RPS9: variants seen among roughly 807,000 people sequenced by gnomAD.
The protein encoded by RPS9 is small ribosomal subunit protein uS4.
Under a neutral mutation model 16.9 loss-of-function variants are expected in RPS9, and 1 was observed. The observed-to-expected ratio is 0.06, with a 90% confidence interval of 0.02 to 0.28. RPS9 has a LOEUF of 0.28. Among genes scored for constraint, RPS9 ranks in the 10% least tolerant of loss-of-function variants. The pLI is 1.00. For synonymous variants in RPS9, 106 were observed against 110.9 expected, an observed-to-expected ratio of 0.96 and a Z score of 0.28; for missense variants, 137 against 273.2, an observed-to-expected ratio of 0.50 and a Z score of 3.51.
At chr19:54,207,039 A>G (rs766041192) in intron 4 of RPS9, 19 of 439,114 alleles carry the variant, frequency 4.3e-5, no homozygotes, top group Admixed American at 1.2e-4. Context: ...TATTGTGGGC[A>G]TTGCTGCTGC....
intron 3 of RPS9, among the ~76,000 whole-genome samples, chr19:54,205,525 TTATG>T (rs2077211264): frequency 6.6e-6 from 1 of 152,078 alleles, no homozygotes; most frequent in Non-Finnish European, 1.5e-5. Context: ...ATACTGCTAT[TTATG>T]GCACGGAATG....
chr19:54,202,500 G>T (rs996787349), intron 3 of RPS9: 2 of 983,576 alleles, frequency 2.0e-6, no homozygotes, highest in African/African-American at 3.5e-5. Flanking sequence ...AGCATTTCAG[G>T]TGATGACTTT....
intron 3 of RPS9, among the ~76,000 whole-genome samples, chr19:54,205,411 A>G (rs2077205849): frequency 2.0e-5 from 3 of 151,522 alleles, no homozygotes; most frequent in Admixed American, 1.3e-4. Context: ...TACTAGATAT[A>G]TTTTTGGTGG....
intron 3 of RPS9, among the ~76,000 whole-genome samples, 182 bp from the exon 4 acceptor site, chr19:54,206,094 G>A (rs1234762361): frequency 6.6e-6 from 1 of 152,218 alleles, no homozygotes; most frequent in East Asian, 1.9e-4. Flanking sequence ...GGGATTACAG[G>A]TGTGAGCCAC....
At chr19:54,206,992 A>G (rs369795239) in intron 4 of RPS9, 40 of 428,860 alleles carry the variant, frequency 9.3e-5, no homozygotes, top group East Asian at 4.2e-4. Flanking sequence ...TTGTGTGTCA[A>G]TGCTTTCGTC....
chr19:54,204,584 T>A (rs1439485986), intron 3 of RPS9, among the ~76,000 whole-genome samples: 1 of 152,116 alleles, frequency 6.6e-6, no homozygotes, highest in Non-Finnish European at 1.5e-5. Flanking sequence ...TTTACTTTTT[T>A]GTTTGTTTTG....
intron 2 of RPS9, 25 bp from the exon 3 acceptor site, chr19:54,201,462 T>C: frequency 6.2e-7 from 1 of 1,613,936 alleles, no homozygotes. Flanking sequence ...GGGACTACAC[T>C]TGTCCACCCC....
intron 3 of RPS9, chr19:54,202,815 A>G (rs1223906297): frequency 5.1e-6 from 5 of 985,300 alleles, no homozygotes; most frequent in Non-Finnish European, 6.0e-6. Context: ...GTCCTGGCGC[A>G]TGTTTAGCTA....
At chr19:54,203,771 T>TCACC (rs2077144359) in intron 3 of RPS9, among the ~76,000 whole-genome samples, 1 of 111,572 alleles carries the variant, frequency 9.0e-6, no homozygotes, top group Non-Finnish European at 2.0e-5. Flanking sequence ...CAACACGAAC[T>TCACC]CCCCCCCCAC....
At chr19:54,201,070 C>G in intron 1 of RPS9, 90 bp from the exon 2 acceptor site, 3 of 1,528,496 alleles carry the variant, frequency 2.0e-6, no homozygotes, top group Non-Finnish European at 2.6e-6. Flanking sequence ...CTCGCGAGAT[C>G]GGATCTGGGC....
intron 4 of RPS9, chr19:54,207,123 G>A (rs1263425125): frequency 2.0e-6 from 1 of 496,094 alleles, no homozygotes; most frequent in East Asian, 3.3e-5. Context: ...GCTCTCACAT[G>A]GCCATCTCAT....
intron 3 of RPS9, 58 bp downstream of exon 3, chr19:54,201,667 C>A: frequency 1.2e-6 from 2 of 1,603,944 alleles, no homozygotes; most frequent in Non-Finnish European, 1.7e-6. Context: ...GGTTCATTCT[C>A]CCTTCTGTTG....
Position 54,207,452 on chromosome 19 carries a change from G to A in RPS9, c.462G>A (p.Gln154=). 6.2e-7 allele frequency: 1 copy of A among 1,613,856 alleles called. No individual in the cohort carries two copies. Among genetic ancestry groups the A allele is most frequent in the Non-Finnish European group, 8.5e-7 (1 of 1,179,988 alleles). Residue 154 remains glutamine (Q), a synonymous_variant, in exon 5 of 5, where the codon CAG becomes CAA. Coordinates refer to ENST00000302907, the MANE Select transcript of RPS9 (RefSeq NM_001013.4). ...IPSFIVRLDS[Q]KHIDFSLRSP... ...CCTTCATTGTCCGCCTGGATTCCCA[G>A]AAGCACATCGACTTCTCTCTGCGCT...
chr19:54,201,476 C>G lies in RPS9; in HGVS notation c.98-11C>G, dbSNP rs532093748. ...TGGGACTACACTTGTCCACCCCCTTCTCCCCACCAGGCGAGTATGGGCTCC... is the reference window on the plus strand; with the variant it reads ...TGGGACTACACTTGTCCACCCCCTTGTCCCCACCAGGCGAGTATGGGCTCC... On this transcript the variant is annotated splice_polypyrimidine_tract_variant and intron_variant, in intron 2 of 4. Transcript: ENST00000302907. 7.4e-6 allele frequency: 12 copies of G among 1,614,030 alleles called. No individual in the cohort carries two copies. Among genetic ancestry groups the G allele is most frequent in the Admixed American group, 5.0e-5 (3 of 59,992 alleles).
chr19:54,206,895 A>G, intron 4 of RPS9: 1 of 585,028 alleles, frequency 1.7e-6, no homozygotes, highest in Non-Finnish European at 2.9e-6. Flanking sequence ...ATTGAGGGGG[A>G]GGAGCTGTAC....
At position 54,206,909 on chromosome 19, in the gene RPS9, AAG is replaced by A. The variant is rs2077261048; in HGVS notation, c.407+450_407+451del. The A allele has an allele frequency of 7.4e-6, 4 of 542,972 alleles. No homozygotes were observed. In the East Asian group the frequency reaches 1.3e-4, roughly 18 times the overall value. The allele number at this position is 542,972 out of a possible 1,614,324, so 33.6% of individuals were successfully genotyped here. ...CATTGAGGGGGAGGAGCTGTACAGA[AAG>A]AGGGCAAGATGTTTGCGTTTAGAAT... On this transcript the variant is annotated intron_variant, in intron 4 of 4. Coordinates refer to ENST00000302907, the MANE Select transcript of RPS9 (RefSeq NM_001013.4).
chr19:54,201,592 C>T lies in RPS9; in HGVS notation c.203C>T (p.Pro68Leu). Residue 68 changes from proline (P) to leucine (L), a missense_variant, in exon 3 of 5, where the codon CCA becomes CTA. By Grantham distance (98) the Pro-to-Leu change is moderately conservative. Coordinates refer to ENST00000302907, the MANE Select transcript of RPS9 (RefSeq NM_001013.4). ...CTGCTGACGCTTGATGAGAAGGACC[C>T]ACGGCGTCTGTTCGAAGGTGCGTAT... ...RELLTLDEKD[P>L]RRLFEGNALL... The T allele has an allele frequency of 3.1e-6, 5 of 1,614,086 alleles. No homozygotes were observed. Among genetic ancestry groups the T allele is most frequent in the African/African-American group, 1.3e-5 (1 of 75,026 alleles).
At chr19:54,204,325 A>G (rs1487161887) in intron 3 of RPS9, among the ~76,000 whole-genome samples, 1 of 152,224 alleles carries the variant, frequency 6.6e-6, no homozygotes, top group Non-Finnish European at 1.5e-5. Flanking sequence ...AGATCACGCC[A>G]TTGCACTCCA....
intron 3 of RPS9, chr19:54,203,276 G>C: frequency 1.0e-6 from 1 of 985,332 alleles, no homozygotes; most frequent in Non-Finnish European, 1.2e-6. Context: ...AGTTGTTCAG[G>C]TGAGTACACT....
Sources: gnomAD v4.1 joint callset for allele counts (sites outside exome capture counted in the v4.1 genomes callset) on GRCh38, gnomAD v4.1.1 for gene constraint, MANE v1.5 for transcripts, NCBI Gene and HGNC (gene_info 2026-07-23, HGNC 2026-07-21) for gene names.